KCNMB2: variants seen among roughly 807,000 people sequenced by gnomAD.
KCNMB2 encodes the protein calcium-activated potassium channel subunit beta-2.
In KCNMB2, 9 loss-of-function variants were observed where a neutral mutation model predicts 24.5. That is an observed-to-expected ratio of 0.37 (90% CI 0.22 to 0.64). KCNMB2 has a LOEUF of 0.64. Among genes scored for constraint, KCNMB2 ranks in the 30% least tolerant of loss-of-function variants. The pLI, the probability that KCNMB2 is intolerant of heterozygous loss-of-function variation, is 0.63. For missense variants in KCNMB2, 226 were observed against 284.3 expected (o/e 0.79, Z 1.47); for synonymous variants, 109 against 104.4 (o/e 1.04, Z -0.27).
intron 1 of KCNMB2, among the ~76,000 whole-genome samples, chr3:178,720,863 T>C (rs1436547550): frequency 2.6e-5 from 4 of 151,740 alleles, no homozygotes; most frequent in Non-Finnish European, 5.9e-5. Context: ...TTGAGTTCAT[T>C]GTAGATTCTG....
intron 1 of KCNMB2, among the ~76,000 whole-genome samples, chr3:178,566,128 AAAACGTCTAAGTAATAACACTTAG>A (rs1716508149): frequency 6.6e-6 from 1 of 152,216 alleles, no homozygotes; most frequent in Non-Finnish European, 1.5e-5. Flanking sequence ...CATTTCTCCT[AAAACGTCTAAGTAATAACACTTAG>A]ATGTTTCAGA....
chr3:178,616,393 C>T (rs1294902890), intron 1 of KCNMB2, among the ~76,000 whole-genome samples: 1 of 152,198 alleles, frequency 6.6e-6, no homozygotes, highest in Non-Finnish European at 1.5e-5. Flanking sequence ...GGTTTAAACA[C>T]TCCCTCCTTG....
chr3:178,777,456 T>C (rs956939195), intron 1 of KCNMB2, among the ~76,000 whole-genome samples: 1 of 152,076 alleles, frequency 6.6e-6, no homozygotes, highest in Admixed American at 6.6e-5. Context: ...GTCAGAAATG[T>C]TGGCAAGACA....
At chr3:178,821,241 A>G (rs1714613747) in intron 2 of KCNMB2, among the ~76,000 whole-genome samples, 1 of 152,324 alleles carries the variant, frequency 6.6e-6, no homozygotes, top group African/African-American at 2.4e-5. Context: ...TAATACTTAC[A>G]TGGTAACTCA....
intron 1 of KCNMB2, among the ~76,000 whole-genome samples, chr3:178,731,795 C>A (rs12637618): frequency 1.3e-5 from 2 of 152,066 alleles, no homozygotes; most frequent in African/African-American, 4.8e-5. Flanking sequence ...CCCAGCTACT[C>A]GGGAGGCTAA....
chr3:178,542,288 A>T (rs1489178858), intron 1 of KCNMB2, among the ~76,000 whole-genome samples: 3 of 152,234 alleles, frequency 2.0e-5, no homozygotes, highest in African/African-American at 7.2e-5. Context: ...CAGTTTCTTC[A>T]GTGGTAATTG....
In KCNMB2 at chr3:178,842,854, G is replaced by A. The variant is rs1304518212; in HGVS notation, c.625G>A (p.Gly209Arg). The part of the protein sequence containing the change: ...SLFWPTCMMA[G>R]GVAIVAMVKL... ...CTTCTGGCCAACCTGTATGATGGCT[G>A]GGGGTGTGGCAATTGTTGCCATGGT... Residue 209 changes from glycine (G) to arginine (R), a missense_variant, in exon 5 of 5, where the codon GGG becomes AGG. By Grantham distance (125) the Gly-to-Arg change is moderately radical (BLOSUM62 -2). Transcript: ENST00000452583. 1 of 1,613,840 alleles carries A rather than the reference G, an allele frequency of 6.2e-7. No homozygotes were observed. The highest frequency in any genetic ancestry group is 1.1e-5 in the South Asian group (1 of 91,070).
At position 178,612,999 on chromosome 3, in the gene KCNMB2, A is replaced by G. The variant is rs569895731; in HGVS notation, c.-68+76288A>G. On this transcript the variant is annotated intron_variant, in intron 1 of 4. Coordinates refer to ENST00000452583, the MANE Select transcript of KCNMB2 (RefSeq NM_181361.3). ...CTGATAATAACTTAATACTGTTTGCATAAACAAAAAACAAACAAAAAGAAC... is the reference window on the plus strand; with the variant it reads ...CTGATAATAACTTAATACTGTTTGCGTAAACAAAAAACAAACAAAAAGAAC... Among the ~76,000 whole-genome samples, 137 of 152,346 alleles carry G rather than the reference A, an allele frequency of 9.0e-4. 1 individual carries two copies. The highest frequency in any genetic ancestry group is 3.1e-3 in the African/African-American group (128 of 41,580).
chr3:178,647,651 A>G (rs1719964330), intron 1 of KCNMB2, among the ~76,000 whole-genome samples: 1 of 152,230 alleles, frequency 6.6e-6, no homozygotes, highest in Admixed American at 6.5e-5. Context: ...TAAGTACTTA[A>G]TAATAGTTAA....
At chr3:178,631,869 A>T (rs1407590238) in intron 1 of KCNMB2, among the ~76,000 whole-genome samples, 1 of 152,204 alleles carries the variant, frequency 6.6e-6, no homozygotes, top group African/African-American at 2.4e-5. Context: ...AATTAACCAG[A>T]TGTTAATTCT....
intron 1 of KCNMB2, among the ~76,000 whole-genome samples, chr3:178,692,465 T>C (rs192075779): frequency 6.6e-6 from 1 of 152,372 alleles, no homozygotes. Flanking sequence ...TGCATTTGGC[T>C]AGCCAGTTAA....
At chr3:178,758,524 ATG>A (rs1209453724) in intron 1 of KCNMB2, among the ~76,000 whole-genome samples, 522 of 15,576 alleles carry the variant, frequency 0.034, 69 homozygotes, top group African/African-American at 0.13. Flanking sequence ...CCAAGAGGAG[ATG>A]TATATATATA....
intron 1 of KCNMB2, among the ~76,000 whole-genome samples, chr3:178,680,621 T>C (rs1014609917): frequency 6.6e-6 from 1 of 152,144 alleles, no homozygotes; most frequent in African/African-American, 2.4e-5. Context: ...TGAGGTCATG[T>C]CTCTGATATC....
intron 1 of KCNMB2, among the ~76,000 whole-genome samples, chr3:178,785,458 CATAAT>C (rs1713063794): frequency 6.6e-6 from 1 of 151,746 alleles, no homozygotes; most frequent in South Asian, 2.1e-4. Flanking sequence ...GTATTACAAA[CATAAT>C]ATTTCAAATA....
chr3:178,571,523 G>A (rs1189891150), intron 1 of KCNMB2, among the ~76,000 whole-genome samples: 1 of 139,792 alleles, frequency 7.2e-6, no homozygotes, highest in African/African-American at 2.6e-5. Context: ...ATTTGTTTAT[G>A]TATTTATTTT....
At chr3:178,668,474 T>C (rs1027833150) in intron 1 of KCNMB2, among the ~76,000 whole-genome samples, 11 of 152,038 alleles carry the variant, frequency 7.2e-5, no homozygotes, top group Non-Finnish European at 1.3e-4. Flanking sequence ...TTTCAGGACA[T>C]GAAACGTAGG....
intron 1 of KCNMB2, among the ~76,000 whole-genome samples, chr3:178,577,512 G>T (rs1203498219): frequency 6.6e-6 from 1 of 152,178 alleles, no homozygotes; most frequent in African/African-American, 2.4e-5. Flanking sequence ...AGTGGACAGA[G>T]AATGAGTTTG....
At chr3:178,831,886 A>G (rs1465704407) in intron 4 of KCNMB2, among the ~76,000 whole-genome samples, 1 of 152,140 alleles carries the variant, frequency 6.6e-6, no homozygotes, top group African/African-American at 2.4e-5. Flanking sequence ...ACCTAAACCT[A>G]AAATAAAACT....
rs1279082295 is a variant in KCNMB2, at chr3:178,759,402, GAT to G, written c.-67-47922_-67-47921del. Among the ~76,000 whole-genome samples the G allele has an allele frequency of 2.4e-3, 29 of 12,270 alleles. 2 individuals are homozygous for G. Among genetic ancestry groups the G allele is most frequent in the African/African-American group, 4.3e-3 (9 of 2,076 alleles). The allele number at this position is 12,270 out of a possible 152,430, so 8.0% of individuals were successfully genotyped here. On this transcript the variant is annotated intron_variant, in intron 1 of 4. Transcript: ENST00000452583. ...ATATATATATATATCTCTCCAAGAG[GAT>G]ATATATATATATATATATCTCTCCA...
Sources: allele counts gnomAD v4.1 joint callset (sites outside exome capture counted in the v4.1 genomes callset), GRCh38; gene constraint gnomAD v4.1.1; transcripts MANE v1.5; gene names NCBI Gene and HGNC (gene_info 2026-07-23, HGNC 2026-07-21).